The following VWC2 variants were observed in gnomAD, a reference collection of about 807,000 sequenced individuals.
VWC2 encodes the protein brorin.
VWC2 carries 14 observed loss-of-function variants against 29.8 expected under a neutral mutation model. The observed-to-expected ratio is 0.47, with a 90% CI of 0.31 to 0.74. The LOEUF (loss-of-function observed/expected upper bound fraction) is 0.74, where lower values mean the gene tolerates loss of function less well. Among genes scored for constraint, VWC2 ranks in the 30% least tolerant of loss-of-function variants. The pLI, the probability that VWC2 is intolerant of heterozygous loss-of-function variation, is 0.05. For missense variants in VWC2, 457 were observed against 459.8 expected, an observed-to-expected ratio of 0.99 and a Z score of 0.05; for synonymous variants, 213 against 199.0, an observed-to-expected ratio of 1.07 and a Z score of -0.59.
intron 3 of VWC2, among the ~76,000 whole-genome samples, chr7:49,856,296 A>T (rs1203095684): frequency 1.3e-5 from 2 of 152,120 alleles, no homozygotes; most frequent in African/African-American, 4.8e-5. Context: ...TCAATCTATT[A>T]TCTCAAGTGA....
intron 3 of VWC2, among the ~76,000 whole-genome samples, chr7:49,844,813 T>A (rs959384949): frequency 1.3e-5 from 2 of 152,062 alleles, no homozygotes; most frequent in Non-Finnish European, 2.9e-5. Flanking sequence ...CTGTCTCAGC[T>A]TCCTGAGTAG....
At chr7:49,877,763 AT>A (rs964419617) in intron 3 of VWC2, among the ~76,000 whole-genome samples, 1 of 150,734 alleles carries the variant, frequency 6.6e-6, no homozygotes, top group Non-Finnish European at 1.5e-5. Flanking sequence ...AGCTGCTTTT[AT>A]CTAAGCCATA....
rs1013797445 is a variant in VWC2 at position 49,917,641 on chromosome 7, T to A, written c.*5456T>A. The A allele has an allele frequency of 6.6e-6, 1 of 152,170 alleles. No individual in the cohort carries two copies. Among genetic ancestry groups the A allele is most frequent in the African/African-American group, 2.4e-5 (1 of 41,458 alleles). The allele number at this position is 152,170 out of a possible 1,614,324, so 9.4% of individuals were successfully genotyped here. A position where few individuals can be genotyped will look rare whatever the true frequency, so the allele number is the denominator to read the frequency against. ...ACAATTGCAAATATTGCGACTTTAG[T>A]TTTTAATTCAATTTTCAGCAAGTAG... On this transcript the variant is annotated 3_prime_UTR_variant, in exon 4 of 4. Transcript: ENST00000340652.
At chr7:49,863,586 C>T (rs556825238) in intron 3 of VWC2, among the ~76,000 whole-genome samples, 1 of 152,124 alleles carries the variant, frequency 6.6e-6, no homozygotes, top group Non-Finnish European at 1.5e-5. Flanking sequence ...TGTGCACCAC[C>T]ATGCCCAGAT....
At chr7:49,887,026 T>G (rs1024242610) in intron 3 of VWC2, among the ~76,000 whole-genome samples, 18 of 152,234 alleles carry the variant, frequency 1.2e-4, no homozygotes, top group Non-Finnish European at 1.9e-4. Context: ...AGTACTTTTT[T>G]GCAGAAGATT....
chr7:49,789,332 T>G (rs564461642), intron 2 of VWC2, among the ~76,000 whole-genome samples: 2 of 141,634 alleles, frequency 1.4e-5, no homozygotes, highest in African/African-American at 5.3e-5. Flanking sequence ...TGTGTGTGGG[T>G]GCGTGTGAGT....
In VWC2 at chr7:49,775,467, C is replaced by G. The variant is rs1370516169; in HGVS notation, c.32C>G (p.Ala11Gly). The change falls in exon 2 of 4, where the codon GCG becomes GGG. Residue 11 changes from alanine to glycine, a missense_variant. By Grantham distance (60) the Ala-to-Gly change is moderately conservative (BLOSUM62 0). This residue lies in a region of VWC2 where 272 missense variants were observed against 202.7 expected (regional missense o/e 1.34). Transcript: ENST00000340652. ...AGCTCCACTGCGATGGCAGTTGGCG[C>G]GCTCTCCAGTTCCCTCCTGGTCACC... MPSSTAMAVG[A>G]LSSSLLVTCC... 1 of 1,493,734 alleles carries G rather than the reference C, an allele frequency of 6.7e-7. No homozygotes were observed. The highest frequency in any genetic ancestry group is 8.9e-7 in the Non-Finnish European group (1 of 1,125,330). 92.5% of individuals were successfully genotyped at this position (1,493,734 alleles called of 1,614,324 possible).
rs188656902 is a variant in VWC2 at position 49,824,556 on chromosome 7, T to C, written c.826+21716T>C. ...TCCCTTAACCTTTGCATTTTCAGCA[T>C]ATTTTAAATTTAGCTTGTCAAGTTC... On this transcript the variant is annotated intron_variant, in intron 3 of 3. Transcript: ENST00000340652. 5.3e-3 allele frequency among the ~76,000 whole-genome samples: 805 copies of C among 152,276 alleles called. 5 individuals are homozygous for C. The highest frequency in any genetic ancestry group is 6.9e-3 in the Non-Finnish European group (472 of 67,988).
chr7:49,783,696 G>A lies in VWC2; in HGVS notation c.696+7565G>A, dbSNP rs1404057648. The stretch of plus-strand genomic sequence containing the variant: ...AAAAGGATGATGTCAGGCCTCTGCC[G>A]AGGGCCCTGTGAGTTCTCTCAGAAG... On this transcript the variant is annotated intron_variant, in intron 2 of 3. Transcript: ENST00000340652. 9.9e-5 allele frequency among the ~76,000 whole-genome samples: 15 copies of A among 152,130 alleles called. No individual in the cohort carries two copies. The South Asian group carries it at 1.0e-3, about 11-fold the overall frequency.
rs186640821 is a variant in VWC2, at chr7:49,821,784, A to G, written c.826+18944A>G. On this transcript the variant is annotated intron_variant, in intron 3 of 3. Transcript: ENST00000340652. ...TAAAAGTACAATTATTTTTTGACTC[A>G]TACTTTGGATAAATTTTGGCAGGAG... Among the ~76,000 whole-genome samples the G allele has an allele frequency of 4.2e-3, 642 of 152,278 alleles. 4 individuals carry two copies. Among genetic ancestry groups the G allele is most frequent in the African/African-American group, 0.015 (610 of 41,544 alleles).
intron 3 of VWC2, among the ~76,000 whole-genome samples, chr7:49,866,431 C>T (rs1790893351): frequency 6.6e-6 from 1 of 152,202 alleles, no homozygotes; most frequent in Non-Finnish European, 1.5e-5. Flanking sequence ...TGGTCTCAGG[C>T]TTGCGAGTGC....
At chr7:49,786,351 A>G (rs185617613) in intron 2 of VWC2, among the ~76,000 whole-genome samples, 1 of 152,330 alleles carries the variant, frequency 6.6e-6, no homozygotes, top group East Asian at 1.9e-4. Context: ...TCCATGGTGT[A>G]TATGTACCAC....
intron 3 of VWC2, among the ~76,000 whole-genome samples, chr7:49,880,857 T>C (rs1179700419): frequency 1.3e-5 from 2 of 152,250 alleles, no homozygotes; most frequent in East Asian, 1.9e-4. Context: ...GCCTATGACA[T>C]GGAATACTGT....
At chr7:49,829,418 T>A (rs747842893) in intron 3 of VWC2, among the ~76,000 whole-genome samples, 46 of 151,998 alleles carry the variant, frequency 3.0e-4, no homozygotes, top group Admixed American at 2.9e-3. Flanking sequence ...TTCAGTGGCC[T>A]CTCTCTCCTC....
rs1190321595 is a variant in VWC2 at position 49,817,879 on chromosome 7, A to C, written c.826+15039A>C. Among the ~76,000 whole-genome samples the C allele has an allele frequency of 3.9e-5, 6 of 152,254 alleles. No individual in the cohort carries two copies. In the South Asian group the frequency reaches 1.2e-3, roughly 31 times the overall value. On this transcript the variant is annotated intron_variant, in intron 3 of 3. Coordinates refer to ENST00000340652, the MANE Select transcript of VWC2 (RefSeq NM_198570.5). Reference sequence around the variant, plus strand: ...ATAGGGGGAAAAACATTGCCAATTCATTAATTAGGAAAACAGAAATTTTTC... The same window carrying C: ...ATAGGGGGAAAAACATTGCCAATTCCTTAATTAGGAAAACAGAAATTTTTC...
chr7:49,866,681 T>C (rs1339506950), intron 3 of VWC2, among the ~76,000 whole-genome samples: 1 of 152,202 alleles, frequency 6.6e-6, no homozygotes, highest in African/African-American at 2.4e-5. Flanking sequence ...ATTTGCAGGA[T>C]TGTGGTGCAT....
chr7:49,911,385 G>A (rs971803393), intron 3 of VWC2, among the ~76,000 whole-genome samples: 7 of 151,062 alleles, frequency 4.6e-5, no homozygotes, highest in African/African-American at 7.3e-5. Flanking sequence ...TGGAGGCTGC[G>A]GCAGGAGAAT....
At chr7:49,795,659 T>A (rs999517906) in intron 2 of VWC2, among the ~76,000 whole-genome samples, 2 of 152,262 alleles carry the variant, frequency 1.3e-5, no homozygotes, top group African/African-American at 4.8e-5. Context: ...CAATTGTTAC[T>A]ATAGCAAAGT....
At chr7:49,875,795 C>T (rs1791391521) in intron 3 of VWC2, among the ~76,000 whole-genome samples, 1 of 152,042 alleles carries the variant, frequency 6.6e-6, no homozygotes, top group Admixed American at 6.6e-5. Flanking sequence ...AAAAAGTAAC[C>T]ATTTATTGTT....
Sources: gnomAD v4.1 joint callset for allele counts (sites outside exome capture counted in the v4.1 genomes callset) on GRCh38, gnomAD v4.1.1 for gene constraint, gnomAD v4.1.1 regional missense constraint, MANE v1.5 for transcripts, NCBI Gene and HGNC (gene_info 2026-07-23, HGNC 2026-07-21) for gene names.